Variants in EBF3 observed in about 807,000 individuals in gnomAD.
EBF3 encodes transcription factor COE3.
In EBF3, 18 loss-of-function variants were observed where a neutral mutation model predicts 77.1. That is an observed-to-expected ratio of 0.23 (90% CI 0.16 to 0.35). EBF3 has a LOEUF of 0.35. EBF3 is among the 10% of genes least tolerant of loss of function. The probability of loss-of-function intolerance (pLI) is 1.00; values close to 1 mark genes in which losing one functional copy is unlikely to be tolerated. For missense variants in EBF3, 558 were observed against 860.0 expected, an observed-to-expected ratio of 0.65 and a Z score of 4.39; for synonymous variants, 350 against 343.5, an observed-to-expected ratio of 1.02 and a Z score of -0.21.
chr10:129,843,239 G>A (rs781092735), intron 11 of EBF3, 37 bp from the exon 12 acceptor site: 8 of 1,585,568 alleles, frequency 5.0e-6, no homozygotes, highest in Non-Finnish European at 5.1e-6. Flanking sequence ...TTCATGGGAG[G>A]AACCGGCCAG....
intron 4 of EBF3, among the ~76,000 whole-genome samples, chr10:129,961,087 A>G (rs1443996941): frequency 1.3e-5 from 2 of 152,256 alleles, no homozygotes; most frequent in African/African-American, 4.8e-5. Flanking sequence ...TAAAGGGGAA[A>G]TAAAATGTGC....
intron 3 of EBF3, 60 bp downstream of exon 3, chr10:129,962,882 C>T (rs906604105): frequency 9.5e-6 from 15 of 1,580,222 alleles, no homozygotes; most frequent in Admixed American, 6.7e-5. Flanking sequence ...TGTCCTTTCA[C>T]CAGCGCAGAA....
intron 6 of EBF3, among the ~76,000 whole-genome samples, chr10:129,950,906 C>T (rs1001569427): frequency 1.3e-5 from 2 of 152,218 alleles, no homozygotes; most frequent in Admixed American, 6.5e-5. Flanking sequence ...CTTGAGTTTT[C>T]ACTTCCTGTA....
At chr10:129,957,384 T>A in intron 5 of EBF3, 58 bp from the exon 6 acceptor site, 2 of 1,400,604 alleles carry the variant, frequency 1.4e-6, no homozygotes, top group East Asian at 2.4e-5. Flanking sequence ...TATGCCCGAC[T>A]TGTATTTTTT....
At chr10:129,946,428 G>T (rs142759492) in intron 6 of EBF3, among the ~76,000 whole-genome samples, 5 of 152,326 alleles carry the variant, frequency 3.3e-5, no homozygotes, top group Admixed American at 2.0e-4. Flanking sequence ...CAAATGTCCC[G>T]AACCCGGTAA....
chr10:129,914,240 G>A (rs1485927949), intron 6 of EBF3, among the ~76,000 whole-genome samples: 3 of 152,118 alleles, frequency 2.0e-5, no homozygotes, highest in Non-Finnish European at 4.4e-5. Context: ...AGACCGAGGC[G>A]GCTGAGGAGG....
intron 6 of EBF3, among the ~76,000 whole-genome samples, chr10:129,948,214 C>T (rs1273335450): frequency 2.2e-5 from 3 of 136,832 alleles, no homozygotes; most frequent in Non-Finnish European, 4.5e-5. Flanking sequence ...GCCAAGATTG[C>T]ACCATTGCAC....
rs771452108 is a variant in EBF3 at position 129,963,693 on chromosome 10, G to T, written c.76C>A (p.Pro26Thr). Residue 26 changes from proline (P) to threonine (T), a missense_variant, in exon 1 of 17, where the codon CCG becomes ACG. Coordinates refer to ENST00000440978, the MANE Select transcript of EBF3 (RefSeq NM_001375380.1). This position sits in a 1 kb window ranked among gnomAD's most constrained non-coding sequence, Gnocchi z 7.1. ...KEEPLGSGMN[P>T]VRSWMHTAGV... is the part of the protein sequence containing the mutation. ...GCCGTGTGCATCCACGAGCGCACCG[G>T]GTTCATGCCGCTGCCCAGCGGCTCC... The T allele has an allele frequency of 1.3e-6, 2 of 1,531,098 alleles. No homozygotes were observed. Among genetic ancestry groups the T allele is most frequent in the East Asian group, 2.7e-5 (1 of 36,536 alleles). 94.8% of individuals were successfully genotyped at this position (1,531,098 alleles called of 1,614,324 possible).
intron 6 of EBF3, among the ~76,000 whole-genome samples, chr10:129,909,223 T>A (rs1478757710): frequency 2.0e-5 from 3 of 152,194 alleles, no homozygotes; most frequent in Admixed American, 6.5e-5. Flanking sequence ...AGGCCAGACA[T>A]GGAGGGATAG....
intron 6 of EBF3, among the ~76,000 whole-genome samples, chr10:129,917,229 C>T (rs941310134): frequency 1.1e-4 from 16 of 152,042 alleles, no homozygotes; most frequent in Non-Finnish European, 1.5e-4. Context: ...ATTAGCTGGG[C>T]GTGGTGGCAC....
intron 6 of EBF3, among the ~76,000 whole-genome samples, chr10:129,899,097 G>A (rs1347504611): frequency 2.0e-5 from 3 of 152,236 alleles, no homozygotes; most frequent in African/African-American, 4.8e-5. Flanking sequence ...GCCTTGAATC[G>A]GAGCTGCTTA....
chr10:129,884,006 G>A lies in EBF3; in HGVS notation c.555-6157C>T, dbSNP rs57720357. ...GTGATCCGAGGCCCTCATGGGGGCC[G>A]GTGGCTGCAGCCTTTACTGTGCTAT... On this transcript the variant is annotated intron_variant, in intron 6 of 16. Coordinates refer to ENST00000440978, the MANE Select transcript of EBF3 (RefSeq NM_001375380.1). Among the ~76,000 whole-genome samples, 728 of 152,316 alleles carry A rather than the reference G, an allele frequency of 4.8e-3. 2 individuals carry two copies. Among genetic ancestry groups the A allele is most frequent in the African/African-American group, 0.016 (680 of 41,566 alleles).
chr10:129,882,770 C>T (rs533901230), intron 6 of EBF3, among the ~76,000 whole-genome samples: 2 of 152,332 alleles, frequency 1.3e-5, no homozygotes, highest in African/African-American at 2.4e-5. Flanking sequence ...TAGCTAAGAA[C>T]GTATCCACTT....
chr10:129,918,308 G>A (rs626799), intron 6 of EBF3, among the ~76,000 whole-genome samples: 152,034 of 152,360 alleles, frequency 1, 75,855 homozygotes, highest in East Asian at 1. Context: ...CCCCACTTCT[G>A]TCTCATTCTC....
At chr10:129,857,356 C>T (rs1851322289) in intron 10 of EBF3, among the ~76,000 whole-genome samples, 1 of 152,156 alleles carries the variant, frequency 6.6e-6, no homozygotes, top group African/African-American at 2.4e-5. Flanking sequence ...CATCTGACCT[C>T]CTTCTTGCCA....
In EBF3 at chr10:129,940,995, C is replaced by A. The variant is rs1857695607; in HGVS notation, c.554+16263G>T. Reference sequence around the variant, plus strand: ...CCCATGTCTACAATGGGACCCACCCCAGCAGTGAGCAAGACCTGCTCTTAG... The same window carrying A: ...CCCATGTCTACAATGGGACCCACCCAAGCAGTGAGCAAGACCTGCTCTTAG... On this transcript the variant is annotated intron_variant, in intron 6 of 16. Transcript: ENST00000440978. Among the ~76,000 whole-genome samples, 3 of 152,364 alleles carry A rather than the reference C, an allele frequency of 2.0e-5. No homozygotes were observed. The South Asian group carries it at 6.2e-4, about 32-fold the overall frequency.
At chr10:129,949,382 G>C (rs658534) in intron 6 of EBF3, among the ~76,000 whole-genome samples, 10,443 of 152,256 alleles carry the variant, frequency 0.069, 1,154 homozygotes, top group African/African-American at 0.23. Flanking sequence ...CCCTAAACCA[G>C]TGAGCAGCAT....
At chr10:129,949,635 G>A (rs1168598894) in intron 6 of EBF3, among the ~76,000 whole-genome samples, 1 of 152,140 alleles carries the variant, frequency 6.6e-6, no homozygotes, top group African/African-American at 2.4e-5. Context: ...TCCCGGGCTT[G>A]TACTGCACAT....
chr10:129,932,058 C>T (rs1347814465), intron 6 of EBF3, among the ~76,000 whole-genome samples: 1 of 152,162 alleles, frequency 6.6e-6, no homozygotes, highest in East Asian at 1.9e-4. Context: ...CCGCTCTCTC[C>T]TTATCTCTCC....
Sources: gnomAD v4.1 joint callset for allele counts (sites outside exome capture counted in the v4.1 genomes callset) on GRCh38, gnomAD v4.1.1 for gene constraint, Gnocchi (gnomAD v3.1) non-coding constraint, MANE v1.5 for transcripts, NCBI Gene and HGNC (gene_info 2026-07-23, HGNC 2026-07-21) for gene names.